RFXANK: variants seen among roughly 807,000 people sequenced by gnomAD.
RFXANK encodes the protein regulatory factor X associated ankyrin containing protein, also known as DNA-binding protein RFXANK.
A neutral mutation model predicts 34.5 loss-of-function variants in RFXANK; 19 were observed. The ratio of observed to expected loss-of-function variants is 0.55; its 90% confidence interval spans 0.38 to 0.81. The LOEUF is 0.81. Among genes scored for constraint, RFXANK ranks in the 30% least tolerant of loss-of-function variants. The pLI is 0.00. For missense variants in RFXANK, 295 were observed against 343.5 expected (o/e 0.86, Z 1.12); for synonymous variants, 154 against 149.8 (o/e 1.03, Z -0.20).
At chr19:19,195,017 C>G (rs2060572390) in intron 3 of RFXANK, among the ~76,000 whole-genome samples, 1 of 151,628 alleles carries the variant, frequency 6.6e-6, no homozygotes, top group African/African-American at 2.4e-5. Flanking sequence ...CTCCCCTCCC[C>G]TCCCTCCCTT....
At chr19:19,192,681 T>TA (rs2060505037) in intron 1 of RFXANK, 127 bp downstream of exon 1, 1 of 153,418 alleles carries the variant, frequency 6.5e-6, no homozygotes, top group Non-Finnish European at 1.5e-5. Context: ...GTGGGCAGGG[T>TA]AAAGGTGAGC....
intron 6 of RFXANK, 38 bp downstream of exon 6, chr19:19,197,659 G>C (rs759862267): frequency 3.3e-5 from 52 of 1,576,096 alleles, no homozygotes; most frequent in Non-Finnish European, 1.6e-5. Flanking sequence ...GGGGGTTCCC[G>C]GGGGCCTTAG....
At position 19,193,985 on chromosome 19, in the gene RFXANK, C is replaced by A. The variant is rs763281760; in HGVS notation, c.39C>A (p.Thr13=). 12 of 1,614,104 alleles carry A rather than the reference C, an allele frequency of 7.4e-6. No homozygotes were observed. In the African/African-American group the frequency reaches 8.0e-5, roughly 11 times the overall value. Residue 13 remains threonine (T), a synonymous_variant, in exon 3 of 10, where the codon ACC becomes ACA. Coordinates refer to ENST00000303088, the MANE Select transcript of RFXANK (RefSeq NM_003721.4). ...LTQPAEDLIQ[T]QQTPASELGD... is the part of the protein sequence containing the mutation. ...AGCCTGCAGAAGACCTCATCCAGAC[C>A]CAGCAGACCCCTGCCTCAGAACTTG...
intron 6 of RFXANK, 160 bp downstream of exon 6, chr19:19,197,781 G>C (rs1206741266): frequency 5.6e-6 from 4 of 709,056 alleles, no homozygotes; most frequent in Non-Finnish European, 7.1e-6. Context: ...GGCCGAGGCG[G>C]GTGGATCACT....
At chr19:19,200,529 CTCAAACTCCTGGGCTCAA>C (rs1283438475) in intron 9 of RFXANK, among the ~76,000 whole-genome samples, 1 of 150,832 alleles carries the variant, frequency 6.6e-6, no homozygotes, top group African/African-American at 2.4e-5. Flanking sequence ...CCAGGCTGGT[CTCAAACTCCTGGGCTCAA>C]GTGATCCTTC....
intron 3 of RFXANK, 134 bp downstream of exon 3, chr19:19,194,267 T>C: frequency 1.0e-6 from 1 of 986,154 alleles, no homozygotes. Context: ...AGTTTTGCTC[T>C]TGTTGCCCAT....
intron 3 of RFXANK, among the ~76,000 whole-genome samples, 156 bp downstream of exon 3, chr19:19,194,289 A>G (rs369376878): frequency 6.6e-6 from 1 of 151,994 alleles, no homozygotes; most frequent in African/African-American, 2.4e-5. Flanking sequence ...CTGGAGTGCA[A>G]TGGCGTGATC....
chr19:19,199,303 T>C (rs1052333408), intron 9 of RFXANK, 69 bp downstream of exon 9: 43 of 1,410,954 alleles, frequency 3.0e-5, no homozygotes, highest in Non-Finnish European at 4.3e-5. Context: ...AAGGGGTACA[T>C]GGGACACCCC....
At chr19:19,192,856 C>A (rs957264342) in intron 1 of RFXANK, 104 bp from the exon 2 acceptor site, 2 of 152,358 alleles carry the variant, frequency 1.3e-5, no homozygotes, top group Non-Finnish European at 2.9e-5. Flanking sequence ...CACTTACTGC[C>A]CGGGCCCTTC....
At chr19:19,201,559 G>A (rs777684870) in intron 9 of RFXANK, 90 bp from the exon 10 acceptor site, 34 of 1,607,982 alleles carry the variant, frequency 2.1e-5, no homozygotes, top group Non-Finnish European at 2.6e-5. Flanking sequence ...GTCCCTGTTT[G>A]TCCCCTAAGG....
Position 19,197,027 on chromosome 19 carries a change from T to TCTGCCGGC in RFXANK, c.254_261dup (p.Thr88CysfsTer5). The TCTGCCGGC allele has an allele frequency of 6.2e-7, 1 of 1,613,606 alleles. No homozygotes were observed. Among genetic ancestry groups the TCTGCCGGC allele is most frequent in the Non-Finnish European group, 8.5e-7 (1 of 1,180,020 alleles). ...GGCAGCGAGGGAACGAGGTGTCAGC[T>TCTGCCGGC]CTGCCGGCCACCCTAGACTGTGAGT... On this transcript the variant is annotated frameshift_variant, in exon 4 of 10. Transcript: ENST00000303088. LOFTEE classifies it high-confidence loss of function.
chr19:19,200,351 T>A (rs1164557339), intron 9 of RFXANK, among the ~76,000 whole-genome samples: 1 of 151,772 alleles, frequency 6.6e-6, no homozygotes, highest in Non-Finnish European at 1.5e-5. Context: ...CTAATTTTTA[T>A]ATTTTTAGTA....
chr19:19,199,998 T>G (rs1053067002), intron 9 of RFXANK, among the ~76,000 whole-genome samples: 6 of 152,144 alleles, frequency 3.9e-5, no homozygotes, highest in African/African-American at 1.4e-4. Flanking sequence ...TCGGGGGGTT[T>G]GTTTTTTTGT....
chr19:19,197,734 T>A (rs2060627076), intron 6 of RFXANK, 113 bp downstream of exon 6: 5 of 969,954 alleles, frequency 5.2e-6, no homozygotes, highest in Non-Finnish European at 7.9e-6. Flanking sequence ...GCTGGCTGGG[T>A]GCAGTGGCTC....
intron 2 of RFXANK, 109 bp from the exon 3 acceptor site, chr19:19,193,830 C>T: frequency 8.0e-7 from 1 of 1,250,266 alleles, no homozygotes; most frequent in Non-Finnish European, 1.2e-6. Context: ...TTAACCTGGA[C>T]CTCAGTTTAC....
rs1599773572 is a variant in RFXANK at position 19,193,873 on chromosome 19, C to T, written c.-8-66C>T. 7 of 1,554,168 alleles carry T rather than the reference C, an allele frequency of 4.5e-6. No individual in the cohort carries two copies. The East Asian group carries it at 9.0e-5, about 20-fold the overall frequency. On this transcript the variant is annotated intron_variant, in intron 2 of 9. Coordinates refer to ENST00000303088, the MANE Select transcript of RFXANK (RefSeq NM_003721.4). ...CACAGTGCAAGGCTAGGTATGCAGT[C>T]GGTGCCTACTTTATTATAACTGTTG...
In RFXANK at chr19:19,197,554, G is replaced by A; in HGVS notation, c.371G>A (p.Gly124Asp). 1 of 1,613,944 alleles carries A rather than the reference G, an allele frequency of 6.2e-7. No homozygotes were observed. Among genetic ancestry groups the A allele is most frequent in the Non-Finnish European group, 8.5e-7 (1 of 1,180,030 alleles). Reference protein sequence around the residue: ...DNLVNKPDERGFTPLIWASAF... With the variant: ...DNLVNKPDERDFTPLIWASAF... ...CTCGTCAACAAGCCAGACGAGCGCG[G>A]CTTCACCCCCCTCATCTGGGCCTCC... The change falls in exon 6 of 10, where the codon GGC becomes GAC. Residue 124 changes from glycine to aspartate, a missense_variant. By Grantham distance (94) the Gly-to-Asp change is moderately conservative. Coordinates refer to ENST00000303088, the MANE Select transcript of RFXANK (RefSeq NM_003721.4).
chr19:19,198,769 G>T, intron 8 of RFXANK, 46 bp downstream of exon 8: 1 of 1,587,054 alleles, frequency 6.3e-7, no homozygotes, highest in Non-Finnish European at 8.6e-7. Flanking sequence ...GCACTCCAGC[G>T]GGCCCTGCGG....
chr19:19,201,560 T>TC, intron 9 of RFXANK, 89 bp from the exon 10 acceptor site: 1 of 1,608,402 alleles, frequency 6.2e-7, no homozygotes, highest in Non-Finnish European at 8.5e-7. Context: ...TCCCTGTTTG[T>TC]CCCCTAAGGG....
Sources: gnomAD v4.1 joint callset for allele counts (sites outside exome capture counted in the v4.1 genomes callset) on GRCh38, gnomAD v4.1.1 for gene constraint, MANE v1.5 for transcripts, NCBI Gene and HGNC (gene_info 2026-07-23, HGNC 2026-07-21) for gene names.